The following ADD3 variants were observed in gnomAD, a reference collection of about 807,000 sequenced individuals.
The protein encoded by ADD3 is gamma-adducin.
A neutral mutation model predicts 80.2 loss-of-function variants in ADD3; 25 were observed. That is an observed-to-expected ratio of 0.31 (90% CI 0.23 to 0.44). The LOEUF is 0.44. ADD3 is among the 20% of genes least tolerant of loss of function. ADD3 has a pLI of 1.00. For missense variants in ADD3, 829 were observed against 847.5 expected (o/e 0.98, Z 0.27); for synonymous variants, 284 against 289.6 (o/e 0.98, Z 0.20).
At position 110,133,475 on chromosome 10, in the gene ADD3, A is replaced by T. The variant is rs1268772207; in HGVS notation, c.1978A>T (p.Ile660Phe). ...STSTTIENIE[I>F]TIKSPEKIEE... ...AAGTACAACCATAGAAAACATCGAGATTACTATTAAGTCTCCAGAGAAAAT... is the reference window on the plus strand; with the variant it reads ...AAGTACAACCATAGAAAACATCGAGTTTACTATTAAGTCTCCAGAGAAAAT... Residue 660 changes from isoleucine to phenylalanine, a missense_variant, in exon 15 of 15, where the codon ATT (isoleucine) becomes TTT (phenylalanine). Ile to Phe is a conservative substitution (Grantham distance 21). Coordinates refer to ENST00000356080, the MANE Select transcript of ADD3 (RefSeq NM_016824.5). The T allele has an allele frequency of 1.2e-6, 2 of 1,613,976 alleles. No homozygotes were observed. The highest frequency in any genetic ancestry group is 2.2e-5 in the South Asian group (2 of 91,068).
At chr10:110,046,324 T>C (rs982736835) in intron 1 of ADD3, among the ~76,000 whole-genome samples, 2 of 152,174 alleles carry the variant, frequency 1.3e-5, no homozygotes, top group African/African-American at 4.8e-5. Context: ...AATATGTATA[T>C]ATATAACATA....
At chr10:110,055,727 AAAATGGATCTT>A (rs1858105719) in intron 1 of ADD3, among the ~76,000 whole-genome samples, 1 of 152,214 alleles carries the variant, frequency 6.6e-6, no homozygotes, top group African/African-American at 2.4e-5. Flanking sequence ...TCTAAGCCAC[AAAATGGATCTT>A]AGTCTATGTA....
At chr10:110,006,013 C>T (rs1851609950), upstream of ADD3, 3 of 242,916 alleles carry the variant, frequency 1.2e-5, no homozygotes, top group Admixed American at 9.4e-5. Flanking sequence ...CTGCCGCCGC[C>T]GCCGCTGCTG....
chr10:110,065,682 G>A (rs569572624), intron 1 of ADD3, among the ~76,000 whole-genome samples: 2 of 151,232 alleles, frequency 1.3e-5, no homozygotes, highest in African/African-American at 4.9e-5. Context: ...TAGGATTACA[G>A]GTGTGTGCCA....
chr10:110,000,162 C>T (rs558872794), intron 1 of ADD3, among the ~76,000 whole-genome samples: 1 of 152,278 alleles, frequency 6.6e-6, no homozygotes, highest in East Asian at 1.9e-4. Flanking sequence ...TCAGGTGATC[C>T]GCCCACCTTG....
chr10:110,106,436 TAC>T (rs1036791426), intron 2 of ADD3, among the ~76,000 whole-genome samples: 12 of 152,096 alleles, frequency 7.9e-5, no homozygotes, highest in Admixed American at 5.2e-4. Flanking sequence ...TGACCTTGGA[TAC>T]AGAGTTTTAA....
intron 8 of ADD3, among the ~76,000 whole-genome samples, chr10:110,120,045 T>C (rs1392838673): frequency 4.6e-5 from 7 of 151,848 alleles, no homozygotes; most frequent in Admixed American, 6.5e-5. Flanking sequence ...GTTGAATGTA[T>C]TTAAAGGCCC....
chr10:110,111,038 C>T (rs1260491311), intron 2 of ADD3, among the ~76,000 whole-genome samples: 1 of 152,078 alleles, frequency 6.6e-6, no homozygotes, highest in East Asian at 1.9e-4. Flanking sequence ...CTCAGAAAGG[C>T]TCCATCTAAG....
upstream of ADD3, among the ~76,000 whole-genome samples, chr10:110,005,206 C>A (rs183976985): frequency 1.8e-3 from 280 of 152,060 alleles, 1 homozygote; most frequent in African/African-American, 6.0e-3. Flanking sequence ...GGATTACAGG[C>A]GCCTGCCACC....
intron 1 of ADD3, among the ~76,000 whole-genome samples, chr10:110,050,900 G>GGAT (rs942793831): frequency 5.9e-5 from 9 of 152,136 alleles, no homozygotes; most frequent in Admixed American, 1.3e-4. Context: ...AAATGTGTTT[G>GGAT]GATGATGTGG....
intron 1 of ADD3, among the ~76,000 whole-genome samples, chr10:110,083,000 T>C (rs926563344): frequency 6.6e-6 from 1 of 152,208 alleles, no homozygotes; most frequent in African/African-American, 2.4e-5. Flanking sequence ...ATGGGGGTAT[T>C]ATGAGTCAAG....
At chr10:110,106,353 T>C (rs570935137) in intron 2 of ADD3, among the ~76,000 whole-genome samples, 2 of 152,138 alleles carry the variant, frequency 1.3e-5, no homozygotes, top group East Asian at 1.9e-4. Flanking sequence ...GTCAGGTTTT[T>C]TTAAAAAATC....
chr10:110,124,365 GTAAAA>G, intron 10 of ADD3, 91 bp downstream of exon 10: 2 of 1,406,902 alleles, frequency 1.4e-6, no homozygotes. Flanking sequence ...TATTTGGAAA[GTAAAA>G]TAATATTAAA....
chr10:110,112,627 T>G, intron 2 of ADD3, 150 bp from the exon 3 acceptor site: 5 of 910,084 alleles, frequency 5.5e-6, no homozygotes, highest in South Asian at 2.1e-5. Flanking sequence ...AGTGCTTTGA[T>G]TTTATTATTT....
At chr10:110,052,743 T>C (rs1336298517) in intron 1 of ADD3, among the ~76,000 whole-genome samples, 1 of 152,236 alleles carries the variant, frequency 6.6e-6, no homozygotes, top group Non-Finnish European at 1.5e-5. Context: ...TGAATAGTTT[T>C]ATTTTTAAGC....
intron 2 of ADD3, among the ~76,000 whole-genome samples, chr10:110,102,412 G>A (rs185627843): frequency 4.6e-5 from 7 of 152,152 alleles, no homozygotes; most frequent in Admixed American, 1.3e-4. Context: ...AGTTTGAGAC[G>A]AGCCTGGGCA....
At chr10:110,118,075 A>ACACACAC (rs1260978416) in intron 5 of ADD3, among the ~76,000 whole-genome samples, 2 of 129,818 alleles carry the variant, frequency 1.5e-5, no homozygotes. Context: ...CACACACACA[A>ACACACAC]TGTTCATAGC....
rs140446525 is a variant in ADD3 at position 110,066,577 on chromosome 10, T to C, written c.-29-34048T>C. On this transcript the variant is annotated intron_variant, in intron 1 of 14. Coordinates refer to ENST00000356080, the MANE Select transcript of ADD3 (RefSeq NM_016824.5). ...TCTCTCTGTTAAGGGATAGATTTTTTTTTCTTTCTTTTTGGTCAATCTTTT... is the reference window on the plus strand; with the variant it reads ...TCTCTCTGTTAAGGGATAGATTTTTCTTTCTTTCTTTTTGGTCAATCTTTT... 3.6e-3 allele frequency among the ~76,000 whole-genome samples: 553 copies of C among 152,278 alleles called. 4 individuals carry two copies. The highest frequency in any genetic ancestry group is 6.0e-3 in the Non-Finnish European group (407 of 68,022).
At chr10:110,007,754 C>G (rs1008510753), upstream of ADD3, among the ~76,000 whole-genome samples, 1 of 151,528 alleles carries the variant, frequency 6.6e-6, no homozygotes, top group Non-Finnish European at 1.5e-5. Context: ...GACCAGGACT[C>G]CCGAGGGGCG....
Sources: allele counts gnomAD v4.1 joint callset (sites outside exome capture counted in the v4.1 genomes callset), GRCh38; gene constraint gnomAD v4.1.1; transcripts MANE v1.5; gene names NCBI Gene and HGNC (gene_info 2026-07-23, HGNC 2026-07-21).